Variants in RARB observed in about 807,000 individuals in gnomAD.
RARB encodes the protein retinoic acid receptor beta.
In RARB, 17 loss-of-function variants were observed where a neutral mutation model predicts 51.9. The observed-to-expected ratio is 0.33, with a 90% confidence interval of 0.22 to 0.49. The LOEUF is 0.49. Among genes scored for constraint, RARB ranks in the 20% least tolerant of loss-of-function variants. The pLI, the probability that RARB is intolerant of heterozygous loss-of-function variation, is 0.99. For missense variants in RARB, 369 were observed against 550.8 expected (o/e 0.67, Z 3.30); for synonymous variants, 215 against 195.4 (o/e 1.10, Z -0.84).
rs1372031408 is a variant in RARB, at chr3:25,208,895, C to G, written c.178+34320C>G. Reference sequence around the variant, plus strand: ...TTATCTTTAGAGTTCATCAAAAGGTCTTTCCTCTTACGAAGGAACTCTTTA... The same window carrying G: ...TTATCTTTAGAGTTCATCAAAAGGTGTTTCCTCTTACGAAGGAACTCTTTA... On this transcript the variant is annotated intron_variant, in intron 5 of 11. Coordinates refer to the RARB transcript ENST00000383772. Among the ~76,000 whole-genome samples, 6 of 152,236 alleles carry G rather than the reference C, an allele frequency of 3.9e-5. 1 individual carries two copies. The South Asian group carries it at 1.0e-3, about 26-fold the overall frequency.
intron 2 of RARB, among the ~76,000 whole-genome samples, chr3:24,893,961 C>A (rs947878348): frequency 6.6e-6 from 1 of 152,140 alleles, no homozygotes; most frequent in Non-Finnish European, 1.5e-5. Flanking sequence ...TAATACAAGC[C>A]TGTGCTTTTA....
chr3:25,032,870 T>C (rs569657683), intron 2 of RARB, among the ~76,000 whole-genome samples: 12 of 152,182 alleles, frequency 7.9e-5, no homozygotes, highest in Non-Finnish European at 1.3e-4. Flanking sequence ...GTAGCAATGT[T>C]TATAAAAAAA....
At chr3:25,229,666 T>C (rs1032079903) in intron 5 of RARB, among the ~76,000 whole-genome samples, 4 of 152,010 alleles carry the variant, frequency 2.6e-5, no homozygotes, top group Admixed American at 1.3e-4. Flanking sequence ...CTTTTTTTTT[T>C]CTTTAATGCA....
At chr3:25,256,595 G>A (rs887100908) in intron 5 of RARB, among the ~76,000 whole-genome samples, 7 of 152,054 alleles carry the variant, frequency 4.6e-5, no homozygotes, top group African/African-American at 1.7e-4. Context: ...GTATAACCAT[G>A]AGTTCAGAAT....
chr3:25,249,885 C>T (rs9867732), intron 5 of RARB, among the ~76,000 whole-genome samples: 23 of 151,358 alleles, frequency 1.5e-4, no homozygotes, highest in African/African-American at 4.7e-4. Flanking sequence ...GGCCCCAGGG[C>T]GGCATATGCT....
At chr3:24,944,685 G>A (rs1016736799) in intron 2 of RARB, among the ~76,000 whole-genome samples, 3 of 152,166 alleles carry the variant, frequency 2.0e-5, no homozygotes, top group African/African-American at 7.2e-5. Context: ...CTTGAGGACT[G>A]GTGAGTTTCC....
chr3:24,894,781 T>C (rs1177773182), intron 2 of RARB, among the ~76,000 whole-genome samples: 2 of 152,172 alleles, frequency 1.3e-5, no homozygotes, highest in African/African-American at 4.8e-5. Context: ...AATTATGTGT[T>C]TAGGGGTCAG....
At chr3:25,076,719 C>A (rs1339480835) in intron 3 of RARB, among the ~76,000 whole-genome samples, 1 of 151,918 alleles carries the variant, frequency 6.6e-6, no homozygotes, top group African/African-American at 2.4e-5. Context: ...TGTTAAAAAG[C>A]TTTGTATTTT....
intron 2 of RARB, among the ~76,000 whole-genome samples, chr3:24,995,747 A>T (rs1697007323): frequency 6.6e-6 from 1 of 151,938 alleles, no homozygotes; most frequent in Admixed American, 6.6e-5. Context: ...TACTTTATTG[A>T]TGTGATTAAT....
intron 2 of RARB, among the ~76,000 whole-genome samples, chr3:25,044,715 A>G (rs1230507722): frequency 1.3e-5 from 2 of 152,226 alleles, no homozygotes; most frequent in South Asian, 2.1e-4. Context: ...GATGGAATGA[A>G]TAGTTAATTT....
intron 4 of RARB, among the ~76,000 whole-genome samples, chr3:25,171,440 A>ATTTTTTTTT (rs1157902711): frequency 3.1e-5 from 1 of 32,188 alleles, no homozygotes; most frequent in Non-Finnish European, 5.4e-5. Context: ...CGACACATTG[A>ATTTTTTTTT]TTTTTTTTTT....
intron 4 of RARB, 36 bp downstream of exon 4, chr3:25,569,954 T>C: frequency 3.1e-6 from 5 of 1,592,664 alleles, no homozygotes; most frequent in Non-Finnish European, 4.3e-6. Context: ...GCTGGGAGTG[T>C]GGAAACCTTG....
At chr3:25,285,549 A>G (rs971971835) in intron 5 of RARB, among the ~76,000 whole-genome samples, 1 of 152,156 alleles carries the variant, frequency 6.6e-6, no homozygotes, top group Non-Finnish European at 1.5e-5. Context: ...ATTGAACCTG[A>G]CAGACCAATT....
chr3:25,495,510 G>A (rs1182786621), intron 2 of RARB, among the ~76,000 whole-genome samples: 5 of 152,234 alleles, frequency 3.3e-5, no homozygotes, highest in Non-Finnish European at 5.9e-5. Flanking sequence ...GGAGACAGAA[G>A]TAATCTGAGT....
intron 3 of RARB, among the ~76,000 whole-genome samples, chr3:25,123,129 T>G (rs1452363414): frequency 6.6e-6 from 1 of 152,126 alleles, no homozygotes; most frequent in African/African-American, 2.4e-5. Context: ...TTCATAACTG[T>G]TTTCTGCTGT....
intron 2 of RARB, among the ~76,000 whole-genome samples, chr3:25,042,940 C>A (rs1206004330): frequency 6.6e-6 from 1 of 152,222 alleles, no homozygotes; most frequent in Non-Finnish European, 1.5e-5. Flanking sequence ...GGTTTTGTGG[C>A]TCTGTACAAA....
At chr3:24,989,076 T>A (rs565797931) in intron 2 of RARB, among the ~76,000 whole-genome samples, 1 of 152,352 alleles carries the variant, frequency 6.6e-6, no homozygotes, top group Non-Finnish European at 1.5e-5. Flanking sequence ...TCTGCCTGTC[T>A]CGGCCTCCCA....
chr3:25,496,836 G>A (rs1298786183), intron 2 of RARB, among the ~76,000 whole-genome samples: 1 of 152,152 alleles, frequency 6.6e-6, no homozygotes, highest in Non-Finnish European at 1.5e-5. Flanking sequence ...CCATTACGGT[G>A]TCAGCAGTTC....
chr3:24,986,399 G>A (rs1696795124), intron 2 of RARB, among the ~76,000 whole-genome samples: 1 of 152,182 alleles, frequency 6.6e-6, no homozygotes, highest in Non-Finnish European at 1.5e-5. Flanking sequence ...AGATCTGGAA[G>A]ATAAAAATTA....
Sources: gnomAD v4.1 joint callset for allele counts (sites outside exome capture counted in the v4.1 genomes callset) on GRCh38, gnomAD v4.1.1 for gene constraint, MANE v1.5 for transcripts, NCBI Gene and HGNC (gene_info 2026-07-23, HGNC 2026-07-21) for gene names.